Variants in TAS1R1 observed in about 807,000 individuals in gnomAD.
TAS1R1 encodes taste receptor type 1 member 1.
Under a neutral mutation model 45.8 loss-of-function variants are expected in TAS1R1, and 31 were observed. The observed-to-expected ratio is 0.68, with a 90% CI of 0.51 to 0.91. TAS1R1 has a LOEUF of 0.91. TAS1R1 is among the 40% of genes least tolerant of loss of function. TAS1R1 has a pLI of 0.00. For missense variants in TAS1R1, 1,051 were observed against 1,063.9 expected (o/e 0.99, Z 0.17); for synonymous variants, 437 against 448.4 (o/e 0.97, Z 0.32).
intron 1 of TAS1R1, among the ~76,000 whole-genome samples, chr1:6,569,832 T>C (rs556641352): frequency 3.0e-4 from 45 of 152,174 alleles, no homozygotes; most frequent in Non-Finnish European, 5.1e-4. Context: ...TCTGGGTAAA[T>C]GGCAGGAGTC....
chr1:6,571,614 G>A (rs911493148), intron 2 of TAS1R1, among the ~76,000 whole-genome samples: 14 of 152,178 alleles, frequency 9.2e-5, no homozygotes, highest in Non-Finnish European at 1.5e-4. Context: ...GAGGCCAGGA[G>A]TTCGAGACCA....
intron 1 of TAS1R1, 61 bp downstream of exon 1, chr1:6,555,625 C>A: frequency 1.4e-6 from 2 of 1,468,474 alleles, no homozygotes; most frequent in South Asian, 1.3e-5. Context: ...GCCCCTCTGG[C>A]TGCCATCCTC....
rs1227793874 is a variant in TAS1R1, at chr1:6,571,117, C to G, written c.400C>G (p.Leu134Val). The change falls in exon 2 of 6, where the codon CTC (leucine) becomes GTC (valine). Residue 134 changes from leucine (L) to valine (V), a missense_variant. Leu to Val is a conservative substitution (Grantham distance 32, BLOSUM62 1). Transcript: ENST00000333172. Reference sequence around the variant, plus strand: ...CCACATAGAGCTCCAAGGAGACCTTCTCCACTATTCCCCTACGGTGCTGGC... The same window carrying G: ...CCACATAGAGCTCCAAGGAGACCTTGTCCACTATTCCCCTACGGTGCTGGC... ...QHHIELQGDL[L>V]HYSPTVLAVI... The G allele has an allele frequency of 1.2e-6, 2 of 1,613,952 alleles. No individual in the cohort carries two copies. Among genetic ancestry groups the G allele is most frequent in the East Asian group, 4.5e-5 (2 of 44,886 alleles).
chr1:6,570,020 A>AGG (rs59297310), intron 1 of TAS1R1, among the ~76,000 whole-genome samples: 1 of 136,366 alleles, frequency 7.3e-6, no homozygotes, highest in African/African-American at 2.9e-5. Context: ...GGAGGGAGGG[A>AGG]GGGGGAGAGA....
At chr1:6,564,815 A>G (rs1336150906) in intron 1 of TAS1R1, among the ~76,000 whole-genome samples, 1 of 152,184 alleles carries the variant, frequency 6.6e-6, no homozygotes, top group Non-Finnish European at 1.5e-5. Context: ...AGGTGTCTAT[A>G]AGAGTAAGAA....
intron 5 of TAS1R1, among the ~76,000 whole-genome samples, chr1:6,577,969 A>G (rs1407252861): frequency 2.6e-5 from 4 of 152,134 alleles, no homozygotes; most frequent in Non-Finnish European, 4.4e-5. Flanking sequence ...GAATATAGCT[A>G]TTGTTCCCTT....
intron 1 of TAS1R1, 81 bp downstream of exon 1, chr1:6,555,645 C>A (rs1357101153): frequency 3.0e-6 from 4 of 1,337,520 alleles, no homozygotes; most frequent in South Asian, 2.7e-5. Context: ...CCAAACAGGA[C>A]CTTGCCTCTG....
intron 1 of TAS1R1, among the ~76,000 whole-genome samples, chr1:6,563,977 C>A (rs1286260663): frequency 1.3e-5 from 2 of 151,978 alleles, no homozygotes; most frequent in South Asian, 4.1e-4. Flanking sequence ...CAGGAATGTA[C>A]TTGGGATTGT....
chr1:6,574,799 C>T lies in TAS1R1; in HGVS notation c.667C>T (p.Leu223=). 6.2e-7 allele frequency: 1 copy of T among 1,614,264 alleles called. No individual in the cohort carries two copies. Among genetic ancestry groups the T allele is most frequent in the South Asian group, 1.1e-5 (1 of 91,088 alleles). Residue 223 remains leucine (L), a synonymous_variant, in exon 3 of 6, where the codon CTA becomes TTA. Transcript: ENST00000333172. This position sits in a 1 kb window ranked among gnomAD's most constrained non-coding sequence, Gnocchi z 4.3. Reference sequence around the variant, plus strand: ...TGGCAGCAGTGACGACTATGGGCAGCTAGGGGTGCAGGCACTGGAGAACCA... The same window carrying T: ...TGGCAGCAGTGACGACTATGGGCAGTTAGGGGTGCAGGCACTGGAGAACCA... ...LVGSSDDYGQ[L]GVQALENQAT... is the part of the protein sequence containing the mutation.
rs774019433 is a variant in TAS1R1, at chr1:6,574,657, G to A, written c.525G>A (p.Thr175=). The A allele has an allele frequency of 4.3e-6, 7 of 1,610,302 alleles. No individual in the cohort carries two copies. Among genetic ancestry groups the A allele is most frequent in the Middle Eastern group, 1.6e-4 (1 of 6,066 alleles). The part of the protein sequence containing the change: ...PMISYAASSE[T]LSVKRQYPSF... ...TTAGCTATGCGGCCAGCAGCGAGAC[G>A]CTCAGCGTGAAGCGGCAGTATCCCT... The change falls in exon 3 of 6, where the codon ACG becomes ACA. Residue 175 remains threonine (T), a synonymous_variant. Transcript: ENST00000333172. The surrounding 1 kb of genome is among the most constrained non-coding windows in gnomAD (Gnocchi z 4.3).
In TAS1R1 at chr1:6,570,954, G is replaced by C. The variant is rs768598465; in HGVS notation, c.237G>C (p.Met79Ile). The change falls in exon 2 of 6, where the codon ATG (methionine) becomes ATC (isoleucine). Residue 79 changes from methionine to isoleucine, a missense_variant. Physicochemically the swap from Met to Ile is conservative, Grantham distance 10. Coordinates refer to ENST00000333172, the MANE Select transcript of TAS1R1 (RefSeq NM_138697.4). ...NEHGYHLFQAMRLGVEEINNS... is the reference protein window; with the variant it reads ...NEHGYHLFQAIRLGVEEINNS... ...ATGGCTACCACCTCTTCCAGGCTAT[G>C]CGGCTTGGGGTTGAGGAGATAAACA... The C allele has an allele frequency of 1.2e-6, 2 of 1,612,900 alleles. No homozygotes were observed. Among genetic ancestry groups the C allele is most frequent in the Non-Finnish European group, 1.7e-6 (2 of 1,179,380 alleles).
chr1:6,579,012 C>T lies in TAS1R1; in HGVS notation c.1954C>T (p.Arg652Cys), dbSNP rs1274603864. The change falls in exon 6 of 6, where the codon CGC becomes TGC. Residue 652 changes from arginine (R) to cysteine (C), a missense_variant. Transcript: ENST00000333172. ...CATCTTCCTGTCCTGCCTGACAGTT[C>T]GCTCATTCCAACTAATCATCATCTT... Reference protein sequence around the residue: ...FTIFLSCLTVRSFQLIIIFKF... With the variant: ...FTIFLSCLTVCSFQLIIIFKF... The T allele has an allele frequency of 6.8e-6, 11 of 1,613,604 alleles. No homozygotes were observed. Among genetic ancestry groups the T allele is most frequent in the South Asian group, 1.1e-5 (1 of 91,032 alleles).
intron 1 of TAS1R1, 128 bp downstream of exon 1, chr1:6,555,692 C>CA: frequency 5.8e-6 from 5 of 866,494 alleles, no homozygotes; most frequent in Non-Finnish European, 8.6e-6. Flanking sequence ...CCTTGTTCAT[C>CA]AATCCACTTG....
chr1:6,558,894 C>CTTTTTTTTT (rs780826392), intron 1 of TAS1R1, among the ~76,000 whole-genome samples: 161 of 139,986 alleles, frequency 1.2e-3, no homozygotes, highest in African/African-American at 3.8e-3. Context: ...AATTTTTGTA[C>CTTTTTTTTT]TTTTTTTTTT....
chr1:6,577,474 G>A (rs904002179), intron 5 of TAS1R1, among the ~76,000 whole-genome samples: 15 of 151,480 alleles, frequency 9.9e-5, no homozygotes, highest in Non-Finnish European at 8.8e-5. Flanking sequence ...GGCGGAGGTT[G>A]CAGTGAGCCA....
At chr1:6,560,158 A>G (rs1211027680) in intron 1 of TAS1R1, among the ~76,000 whole-genome samples, 2 of 151,724 alleles carry the variant, frequency 1.3e-5, no homozygotes, top group Non-Finnish European at 2.9e-5. Flanking sequence ...TTAGCCAGGC[A>G]TGGTGGTGTA....
chr1:6,555,616 C>T lies in TAS1R1; in HGVS notation c.191+52C>T, dbSNP rs1426313145. ...CTTAGTGGGACCCCTGGCTATAGGG[C>T]CCCTCTGGCTGCCATCCTCCAAACA... On this transcript the variant is annotated intron_variant, in intron 1 of 5. Coordinates refer to ENST00000333172, the MANE Select transcript of TAS1R1 (RefSeq NM_138697.4). 2.7e-6 allele frequency: 4 copies of T among 1,497,320 alleles called. No homozygotes were observed. The South Asian group carries it at 3.7e-5, about 14-fold the overall frequency. The allele number at this position is 1,497,320 out of a possible 1,614,324, so 92.8% of individuals were successfully genotyped here. A position where few individuals can be genotyped will look rare whatever the true frequency, so the allele number is the denominator to read the frequency against.
chr1:6,569,985 T>C (rs1639967718), intron 1 of TAS1R1, among the ~76,000 whole-genome samples: 1 of 138,686 alleles, frequency 7.2e-6, no homozygotes, highest in Non-Finnish European at 1.5e-5. Flanking sequence ...GGAAAGGCTC[T>C]AGCACACAGC....
rs747572016 is a variant in TAS1R1, at chr1:6,575,182, G to A, written c.1050G>A (p.Arg350=). The change falls in exon 3 of 6, where the codon AGG becomes AGA. Residue 350 remains arginine, a synonymous_variant. Transcript: ENST00000333172. ...AYARADKKAP[R]PCHKGSWCSS... The stretch of plus-strand genomic sequence containing the variant: ...CCCGGGCAGACAAGAAGGCCCCTAG[G>A]CCTTGCCACAAGGGCTCCTGGTGCA... The A allele has an allele frequency of 1.8e-5, 29 of 1,608,704 alleles. No individual in the cohort carries two copies. Among genetic ancestry groups the A allele is most frequent in the Non-Finnish European group, 2.5e-5 (29 of 1,177,376 alleles).
Sources: gnomAD v4.1 joint callset for allele counts (sites outside exome capture counted in the v4.1 genomes callset) on GRCh38, gnomAD v4.1.1 for gene constraint, Gnocchi (gnomAD v3.1) non-coding constraint, MANE v1.5 for transcripts, NCBI Gene and HGNC (gene_info 2026-07-23, HGNC 2026-07-21) for gene names.